The following SRGAP3 variants were observed in gnomAD, a reference collection of about 807,000 sequenced individuals.
SRGAP3 encodes the protein SLIT-ROBO Rho GTPase activating protein 3, also known as SLIT-ROBO Rho GTPase-activating protein 3.
SRGAP3 carries 39 observed loss-of-function variants against 121.1 expected under a neutral mutation model. The observed-to-expected ratio is 0.32, with a 90% CI of 0.25 to 0.42. SRGAP3 has a LOEUF of 0.42. Ranked by LOEUF, SRGAP3 falls within the 10% of genes least tolerant of loss-of-function variation. SRGAP3 has a pLI of 1.00. For synonymous variants in SRGAP3, 601 were observed against 570.0 expected (o/e 1.05, Z -0.77); for missense variants, 1,213 against 1,470.6 (o/e 0.82, Z 2.86).
Position 8,985,806 on chromosome 3 carries a change from CG to C in SRGAP3, c.3012del (p.Val1005SerfsTer31). 6.2e-7 allele frequency: 1 copy of C among 1,600,260 alleles called. No homozygotes were observed. Among genetic ancestry groups the C allele is most frequent in the Non-Finnish European group, 8.5e-7 (1 of 1,179,836 alleles). Reference sequence around the variant, plus strand: ...AGGGGACTGGCGGGCTCCGAGCTGACGGGGCCTGGCGGGTTCTTCAGGGGCT... The same window carrying C: ...AGGGGACTGGCGGGCTCCGAGCTGACGGGCCTGGCGGGTTCTTCAGGGGCT... The part of the protein sequence containing the change: ...TLEPLKNPPG[P>X]VSSEPASPLH... On this transcript the variant is annotated frameshift_variant, in exon 22 of 22. Transcript: ENST00000383836. LOFTEE classifies it high-confidence loss of function. This position sits in a 1 kb window ranked among gnomAD's most constrained non-coding sequence, Gnocchi z 5.1.
intron 4 of SRGAP3, among the ~76,000 whole-genome samples, chr3:9,070,872 G>A (rs1308300958): frequency 6.6e-6 from 1 of 152,232 alleles, no homozygotes; most frequent in Non-Finnish European, 1.5e-5. Flanking sequence ...CCAAACTGTA[G>A]TAGAGATACA....
intron 1 of SRGAP3, among the ~76,000 whole-genome samples, chr3:9,334,105 G>T (rs1660900272): frequency 6.6e-6 from 1 of 151,608 alleles, no homozygotes; most frequent in Non-Finnish European, 1.5e-5. Flanking sequence ...TACTTCACAG[G>T]ATGATTGCTG....
At chr3:9,327,254 T>C (rs886382334) in intron 2 of SRGAP3, among the ~76,000 whole-genome samples, 3 of 151,986 alleles carry the variant, frequency 2.0e-5, no homozygotes, top group African/African-American at 7.2e-5. Flanking sequence ...GTACTTTTAT[T>C]CCAATGTGCA....
At chr3:9,159,420 T>A (rs950673254) in intron 1 of SRGAP3, among the ~76,000 whole-genome samples, 8 of 152,228 alleles carry the variant, frequency 5.3e-5, no homozygotes, top group African/African-American at 1.9e-4. Flanking sequence ...CCTGGGCCAC[T>A]GTAGGACACC....
chr3:9,319,521 G>A (rs1340712392), intron 3 of SRGAP3, among the ~76,000 whole-genome samples: 2 of 151,856 alleles, frequency 1.3e-5, no homozygotes, highest in African/African-American at 2.4e-5. Context: ...CGGGATTCAA[G>A]GAAAGTAAAA....
At chr3:9,139,243 G>GTT (rs1949767989) in intron 1 of SRGAP3, among the ~76,000 whole-genome samples, 1 of 152,174 alleles carries the variant, frequency 6.6e-6, no homozygotes, top group Non-Finnish European at 1.5e-5. Context: ...GCTGAATAAT[G>GTT]ACCCCCAAGA....
intron 2 of SRGAP3, among the ~76,000 whole-genome samples, chr3:9,106,751 T>G (rs1295405602): frequency 2.0e-5 from 3 of 152,190 alleles, no homozygotes; most frequent in African/African-American, 7.2e-5. Context: ...CCTAGCCATG[T>G]GGGACAGTGA....
At chr3:9,166,615 A>G (rs890253390) in intron 1 of SRGAP3, among the ~76,000 whole-genome samples, 2 of 152,240 alleles carry the variant, frequency 1.3e-5, no homozygotes, top group African/African-American at 4.8e-5. Context: ...CATGGAGCAG[A>G]GCCTCCAAGA....
At chr3:9,196,291 T>C (rs1214449679) in intron 1 of SRGAP3, among the ~76,000 whole-genome samples, 1 of 152,186 alleles carries the variant, frequency 6.6e-6, no homozygotes, top group East Asian at 1.9e-4. Flanking sequence ...GGCGTTTCCA[T>C]GGCTACGGTG....
chr3:9,081,815 T>C (rs767821704), intron 3 of SRGAP3, among the ~76,000 whole-genome samples: 15 of 152,190 alleles, frequency 9.9e-5, no homozygotes, highest in Non-Finnish European at 1.9e-4. Flanking sequence ...TGATTGTGAT[T>C]ATGATTTTGG....
chr3:9,312,597 C>T (rs1005320785), intron 3 of SRGAP3, among the ~76,000 whole-genome samples: 9 of 152,224 alleles, frequency 5.9e-5, no homozygotes, highest in African/African-American at 2.2e-4. Context: ...ATGAACGACA[C>T]AATTAGAGTC....
intron 1 of SRGAP3, among the ~76,000 whole-genome samples, chr3:9,181,305 G>T (rs930047272): frequency 2.0e-5 from 3 of 152,248 alleles, no homozygotes; most frequent in Admixed American, 2.0e-4. Context: ...GCATTGAAGG[G>T]CCAGCCAAAT....
intron 10 of SRGAP3, among the ~76,000 whole-genome samples, chr3:9,047,141 T>C (rs1338261441): frequency 6.6e-6 from 1 of 152,128 alleles, no homozygotes; most frequent in Non-Finnish European, 1.5e-5. Flanking sequence ...CTCTATTTTC[T>C]TTATTTTATT....
At chr3:9,166,106 T>A (rs1950776651) in intron 1 of SRGAP3, among the ~76,000 whole-genome samples, 1 of 152,160 alleles carries the variant, frequency 6.6e-6, no homozygotes, top group Non-Finnish European at 1.5e-5. Flanking sequence ...GACACCACCA[T>A]TCCCATCACA....
intron 11 of SRGAP3, 126 bp from the exon 12 acceptor site, chr3:9,032,878 G>T: frequency 2.4e-6 from 2 of 828,786 alleles, no homozygotes; most frequent in Non-Finnish European, 1.9e-6. Flanking sequence ...CTGACCCCCC[G>T]CCAAGACATT....
chr3:9,188,041 G>A (rs1357192236), intron 1 of SRGAP3, among the ~76,000 whole-genome samples: 1 of 152,170 alleles, frequency 6.6e-6, no homozygotes, highest in African/African-American at 2.4e-5. Flanking sequence ...GTAGGATGAG[G>A]GGGTGAGGGG....
chr3:9,276,602 T>C (rs1954583862), intron 3 of SRGAP3, among the ~76,000 whole-genome samples: 1 of 152,142 alleles, frequency 6.6e-6, no homozygotes, highest in Admixed American at 6.6e-5. Context: ...ATTTTTTGTA[T>C]TTTTAGTAGA....
intron 3 of SRGAP3, among the ~76,000 whole-genome samples, chr3:9,255,022 G>GAA (rs111933082): frequency 1.3e-5 from 2 of 150,512 alleles, no homozygotes; most frequent in East Asian, 2.0e-4. Context: ...GAAAAAGAAA[G>GAA]AGAAAGAAAG....
intron 1 of SRGAP3, chr3:9,349,720 G>A (rs929450263): frequency 6.5e-6 from 1 of 152,740 alleles, no homozygotes; most frequent in African/African-American, 2.4e-5. Flanking sequence ...TTTTAAAAAG[G>A]TATAGTATAT....
Sources: gnomAD v4.1 joint callset for allele counts (sites outside exome capture counted in the v4.1 genomes callset) on GRCh38, gnomAD v4.1.1 for gene constraint, Gnocchi (gnomAD v3.1) non-coding constraint, MANE v1.5 for transcripts, NCBI Gene and HGNC (gene_info 2026-07-23, HGNC 2026-07-21) for gene names.